Variants in CSMD1 observed in about 807,000 individuals in gnomAD.
CSMD1 encodes CUB and Sushi multiple domains 1, also known as CUB and sushi domain-containing protein 1.
A neutral mutation model predicts 417.5 loss-of-function variants in CSMD1; 213 were observed. That is an observed-to-expected ratio of 0.51 (90% CI 0.46 to 0.57). The LOEUF is 0.57. CSMD1 is among the 20% of genes least tolerant of loss of function. CSMD1 has a pLI of 0.00. For missense variants in CSMD1, 6,923 were observed against 4,529.7 expected, an observed-to-expected ratio of 1.53 and a Z score of -15.17; for synonymous variants, 2,862 against 1,736.8, an observed-to-expected ratio of 1.65 and a Z score of -16.11.
At chr8:4,032,528 T>C (rs1170818453) in intron 3 of CSMD1, among the ~76,000 whole-genome samples, 1 of 152,196 alleles carries the variant, frequency 6.6e-6, no homozygotes, top group Non-Finnish European at 1.5e-5. Context: ...ACCCTATTTA[T>C]TTTTATGCTT....
At chr8:3,989,041 T>C (rs1814545641) in intron 5 of CSMD1, among the ~76,000 whole-genome samples, 1 of 152,248 alleles carries the variant, frequency 6.6e-6, no homozygotes, top group South Asian at 2.1e-4. Context: ...AAAAAGTTTT[T>C]CTTTTTCATT....
At chr8:4,880,264 GA>G (rs1165677677) in intron 1 of CSMD1, among the ~76,000 whole-genome samples, 1 of 151,778 alleles carries the variant, frequency 6.6e-6, no homozygotes, top group African/African-American at 2.4e-5. Context: ...AAAGGATGGA[GA>G]AAAAAAATGA....
chr8:4,186,695 TA>T (rs1798697483), intron 3 of CSMD1, among the ~76,000 whole-genome samples: 1 of 152,080 alleles, frequency 6.6e-6, no homozygotes, highest in South Asian at 2.1e-4. Flanking sequence ...TAAGACTAAA[TA>T]TTTTTTTCAG....
At chr8:3,668,268 G>A (rs185986088) in intron 7 of CSMD1, among the ~76,000 whole-genome samples, 60 of 152,292 alleles carry the variant, frequency 3.9e-4, no homozygotes, top group African/African-American at 1.4e-3. Context: ...AGTTCAGCCT[G>A]CGAAGATGGC....
chr8:3,429,294 A>G (rs1226725156), intron 12 of CSMD1, among the ~76,000 whole-genome samples: 6 of 152,264 alleles, frequency 3.9e-5, no homozygotes, highest in Non-Finnish European at 8.8e-5. Flanking sequence ...ATAAATAAAC[A>G]GAAATGATAA....
intron 3 of CSMD1, among the ~76,000 whole-genome samples, chr8:4,388,419 T>G (rs1803616035): frequency 6.6e-6 from 1 of 151,824 alleles, no homozygotes; most frequent in Admixed American, 6.6e-5. Flanking sequence ...TGGATGACAT[T>G]GGAGACTATT....
intron 3 of CSMD1, among the ~76,000 whole-genome samples, chr8:4,114,888 T>C (rs753755995): frequency 4.6e-5 from 7 of 152,164 alleles, no homozygotes; most frequent in Admixed American, 2.0e-4. Flanking sequence ...AGATGAGGAA[T>C]TGCTTCTTCC....
At chr8:3,687,809 C>G (rs1190201696) in intron 7 of CSMD1, among the ~76,000 whole-genome samples, 2 of 152,326 alleles carry the variant, frequency 1.3e-5, no homozygotes, top group East Asian at 3.9e-4. Flanking sequence ...ACTTAAGTCT[C>G]TCTCGAGAAA....
intron 1 of CSMD1, among the ~76,000 whole-genome samples, chr8:4,759,113 G>C (rs1193927644): frequency 6.6e-6 from 1 of 152,166 alleles, no homozygotes. Flanking sequence ...AAATGCATTT[G>C]GGCTGAGGGA....
intron 3 of CSMD1, among the ~76,000 whole-genome samples, chr8:4,333,584 A>G (rs754241102): frequency 1.3e-5 from 2 of 152,168 alleles, no homozygotes; most frequent in Non-Finnish European, 2.9e-5. Flanking sequence ...GTTAGTTATT[A>G]TTACTCTTGC....
At chr8:3,637,889 G>T (rs376801116) in intron 7 of CSMD1, among the ~76,000 whole-genome samples, 1 of 152,164 alleles carries the variant, frequency 6.6e-6, no homozygotes, top group South Asian at 2.1e-4. Context: ...GTTTTCTACA[G>T]AGCAGTTCCC....
intron 12 of CSMD1, among the ~76,000 whole-genome samples, chr8:3,458,619 C>A (rs371313240): frequency 6.6e-6 from 1 of 152,160 alleles, no homozygotes; most frequent in African/African-American, 2.4e-5. Context: ...GTTAAGACAA[C>A]GGAACGCTAG....
chr8:4,256,686 G>A (rs1803477258), intron 3 of CSMD1, among the ~76,000 whole-genome samples: 1 of 151,728 alleles, frequency 6.6e-6, no homozygotes, highest in Non-Finnish European at 1.5e-5. Context: ...AAGAATCCCA[G>A]CAGATGGGCC....
intron 2 of CSMD1, among the ~76,000 whole-genome samples, chr8:4,494,498 G>A (rs190088343): frequency 3.9e-5 from 6 of 152,130 alleles, no homozygotes; most frequent in East Asian, 1.9e-4. Flanking sequence ...CAAGTTTTAC[G>A]TTTATTTTAC....
At chr8:3,559,332 G>C (rs1251303363) in intron 10 of CSMD1, among the ~76,000 whole-genome samples, 2 of 152,180 alleles carry the variant, frequency 1.3e-5, no homozygotes, top group African/African-American at 4.8e-5. Flanking sequence ...TCAAAGACTA[G>C]GCATGGTCTG....
At chr8:4,466,899 A>C (rs1385067132) in intron 2 of CSMD1, among the ~76,000 whole-genome samples, 1 of 151,980 alleles carries the variant, frequency 6.6e-6, no homozygotes, top group African/African-American at 2.4e-5. Flanking sequence ...ATTATATTGA[A>C]ATTTTACAGT....
intron 47 of CSMD1, among the ~76,000 whole-genome samples, chr8:3,092,673 A>T (rs6558717): frequency 0.57 from 86,214 of 152,022 alleles, 25,265 homozygotes; most frequent in African/African-American, 0.7. Flanking sequence ...TAACATTGAA[A>T]GTATAGGTAA....
At chr8:4,255,583 A>C (rs1006757654) in intron 3 of CSMD1, among the ~76,000 whole-genome samples, 3 of 152,212 alleles carry the variant, frequency 2.0e-5, no homozygotes, top group African/African-American at 2.4e-5. Context: ...TAAGACACAG[A>C]AATCTTTGCA....
chr8:4,835,168 G>A (rs1800402142), intron 1 of CSMD1, among the ~76,000 whole-genome samples: 1 of 151,780 alleles, frequency 6.6e-6, no homozygotes. Flanking sequence ...CGAGAAGGTT[G>A]GAAATGAAGC....
Sources: allele counts gnomAD v4.1 joint callset (sites outside exome capture counted in the v4.1 genomes callset), GRCh38; gene constraint gnomAD v4.1.1; transcripts MANE v1.5; gene names NCBI Gene and HGNC (gene_info 2026-07-23, HGNC 2026-07-21).